The following AGBL4 variants were observed in gnomAD, a reference collection of about 807,000 sequenced individuals.
AGBL4 encodes cytosolic carboxypeptidase 6.
AGBL4 carries 58 observed loss-of-function variants against 66.4 expected under a neutral mutation model. The ratio of observed to expected loss-of-function variants is 0.87; its 90% CI spans 0.71 to 1.09. AGBL4 has a LOEUF of 1.09. AGBL4 is among the 50% of genes least tolerant of loss of function. The probability of loss-of-function intolerance (pLI) is 0.00; values close to 1 mark genes in which losing one functional copy is unlikely to be tolerated. For synonymous variants in AGBL4, 234 were observed against 222.9 expected (o/e 1.05, Z -0.44); for missense variants, 579 against 631.0 (o/e 0.92, Z 0.88).
chr1:48,996,817 C>CCCTCCCTT lies in AGBL4; in HGVS notation c.594+48766_594+48767insAAGGGAGG, dbSNP rs552565325. ...GGGCCAAGGAATTTCCTTCCTTCCTCCCTTCCTTCCTTCCTTCCTTCCTTC... is the reference window on the plus strand; with the variant it reads ...GGGCCAAGGAATTTCCTTCCTTCCTCCCTCCCTTCCTTCCTTCCTTCCTTCCTTCCTTC... On this transcript the variant is annotated intron_variant, in intron 5 of 13. Coordinates refer to ENST00000371839, the MANE Select transcript of AGBL4 (RefSeq NM_032785.4). Among the ~76,000 whole-genome samples, 9 of 147,866 alleles carry CCCTCCCTT rather than the reference C, an allele frequency of 6.1e-5. No individual in the cohort carries two copies. The South Asian group carries it at 6.6e-4, about 11-fold the overall frequency.
rs1571596874 is a variant in AGBL4 at position 49,801,300 on chromosome 1, C to G, written c.157+50096G>C. On this transcript the variant is annotated intron_variant, in intron 2 of 13. Transcript: ENST00000371839. ...CATGAGACTGAATTCTGCCAACAAT[C>G]TGAGTAAGTTAGGAAGTTGATCCTT... is the stretch of plus-strand genomic sequence containing the variant. Among the ~76,000 whole-genome samples, 3 of 152,314 alleles carry G rather than the reference C, an allele frequency of 2.0e-5. 1 individual carries two copies. The highest frequency in any genetic ancestry group is 2.0e-4 in the Admixed American group (3 of 15,286).
intron 6 of AGBL4, among the ~76,000 whole-genome samples, chr1:48,831,746 A>G (rs908858442): frequency 2.0e-5 from 3 of 152,206 alleles, no homozygotes; most frequent in African/African-American, 7.2e-5. Context: ...ATTGAAATCT[A>G]TTCTCTCATA....
At chr1:49,488,880 G>T (rs1051657340) in intron 3 of AGBL4, among the ~76,000 whole-genome samples, 3 of 151,724 alleles carry the variant, frequency 2.0e-5, no homozygotes, top group Non-Finnish European at 4.4e-5. Context: ...CTTTTTTATG[G>T]CTGAATTGTA....
intron 4 of AGBL4, among the ~76,000 whole-genome samples, chr1:49,210,350 A>C (rs1461772600): frequency 6.6e-6 from 1 of 152,126 alleles, no homozygotes; most frequent in African/African-American, 2.4e-5. Context: ...ACTGACTCTT[A>C]AGCTTCTGAT....
At chr1:49,731,355 T>C (rs748573347) in intron 2 of AGBL4, among the ~76,000 whole-genome samples, 2 of 152,218 alleles carry the variant, frequency 1.3e-5, no homozygotes, top group Non-Finnish European at 2.9e-5. Context: ...CCCAGAATCC[T>C]GACTGATATA....
At chr1:50,020,996 T>C (rs1236376488) in intron 1 of AGBL4, among the ~76,000 whole-genome samples, 1 of 152,186 alleles carries the variant, frequency 6.6e-6, no homozygotes, top group East Asian at 1.9e-4. Context: ...TCAATAAAAT[T>C]ATCTCTCTCA....
rs1648180327 is a variant in AGBL4 at position 48,867,171 on chromosome 1, G to A, written c.634+20C>T. On this transcript the variant is annotated intron_variant, in intron 6 of 13. Transcript: ENST00000371839. ...AAGAAATAAGGGAAAAGCAAAGGCA[G>A]AAGGGCCACGCCTACTCACCAGGGC... The A allele has an allele frequency of 1.2e-6, 2 of 1,612,872 alleles. No individual in the cohort carries two copies. Among genetic ancestry groups the A allele is most frequent in the Non-Finnish European group, 8.5e-7 (1 of 1,179,320 alleles).
intron 3 of AGBL4, among the ~76,000 whole-genome samples, chr1:49,482,079 A>C (rs1444833614): frequency 3.3e-5 from 5 of 151,302 alleles, no homozygotes; most frequent in Non-Finnish European, 5.9e-5. Context: ...AATTGGCCTG[A>C]AGTTTTCTGT....
intron 5 of AGBL4, among the ~76,000 whole-genome samples, chr1:48,988,223 C>T (rs763238947): frequency 3.3e-5 from 5 of 151,978 alleles, no homozygotes; most frequent in Non-Finnish European, 5.9e-5. Flanking sequence ...CTACCCATTC[C>T]ATGAAGTTTA....
intron 5 of AGBL4, among the ~76,000 whole-genome samples, chr1:48,933,960 G>A (rs1655246508): frequency 6.6e-6 from 1 of 152,134 alleles, no homozygotes. Context: ...TTCTTAGCAT[G>A]AGCCCTTGCC....
At chr1:49,381,767 A>G (rs2148575427) in intron 3 of AGBL4, among the ~76,000 whole-genome samples, 1 of 146,314 alleles carries the variant, frequency 6.8e-6, no homozygotes, top group East Asian at 2.1e-4. Context: ...AACACGGTAT[A>G]TTCTCACTCA....
intron 3 of AGBL4, among the ~76,000 whole-genome samples, chr1:49,335,538 T>C (rs1411173793): frequency 6.6e-6 from 1 of 151,932 alleles, no homozygotes; most frequent in East Asian, 1.9e-4. Flanking sequence ...TTTTTTGAGA[T>C]GGAGTCTCGC....
chr1:49,630,826 G>A (rs1395278506), intron 3 of AGBL4, among the ~76,000 whole-genome samples: 2 of 152,178 alleles, frequency 1.3e-5, no homozygotes, highest in Non-Finnish European at 2.9e-5. Flanking sequence ...GATGATAGGA[G>A]AGGTAGTCAA....
At chr1:49,748,937 T>A (rs1426198410) in intron 2 of AGBL4, among the ~76,000 whole-genome samples, 2 of 152,182 alleles carry the variant, frequency 1.3e-5, no homozygotes, top group African/African-American at 2.4e-5. Context: ...ATTGCAAAAA[T>A]TTTCTCCCAT....
intron 6 of AGBL4, among the ~76,000 whole-genome samples, chr1:48,699,785 T>C (rs950666058): frequency 2.0e-5 from 3 of 152,174 alleles, no homozygotes; most frequent in Non-Finnish European, 4.4e-5. Flanking sequence ...TCTATCTTAT[T>C]TCCCATTTCC....
intron 3 of AGBL4, among the ~76,000 whole-genome samples, chr1:49,454,459 T>C (rs1421364668): frequency 1.3e-5 from 2 of 151,698 alleles, no homozygotes; most frequent in Admixed American, 1.3e-4. Flanking sequence ...GAGGAGATTC[T>C]ATGTGGTGCT....
chr1:48,641,485 G>C (rs1645754750), intron 8 of AGBL4, among the ~76,000 whole-genome samples: 1 of 152,170 alleles, frequency 6.6e-6, no homozygotes, highest in South Asian at 2.1e-4. Context: ...TGTGAAGACA[G>C]AGAGGAGGGT....
intron 2 of AGBL4, among the ~76,000 whole-genome samples, chr1:49,702,845 A>G (rs1331037115): frequency 6.6e-6 from 1 of 152,126 alleles, no homozygotes; most frequent in African/African-American, 2.4e-5. Flanking sequence ...GACCAAAAAC[A>G]CAAGGATCAT....
intron 3 of AGBL4, among the ~76,000 whole-genome samples, chr1:49,552,453 G>T (rs1301678849): frequency 6.6e-6 from 1 of 152,186 alleles, no homozygotes; most frequent in African/African-American, 2.4e-5. Context: ...CCTGCTTGGG[G>T]ACCCAGCGAG....
Sources: allele counts gnomAD v4.1 joint callset (sites outside exome capture counted in the v4.1 genomes callset), GRCh38; gene constraint gnomAD v4.1.1; transcripts MANE v1.5; gene names NCBI Gene and HGNC (gene_info 2026-07-23, HGNC 2026-07-21).